Variants in KIAA1217 observed in about 807,000 individuals in gnomAD.
KIAA1217 encodes the protein sickle tail protein homolog.
Under a neutral mutation model 163.9 loss-of-function variants are expected in KIAA1217, and 88 were observed. That is an observed-to-expected ratio of 0.54 (90% CI 0.45 to 0.64). KIAA1217 has a LOEUF of 0.64. Among genes scored for constraint, KIAA1217 ranks in the 30% least tolerant of loss-of-function variants. The probability of loss-of-function intolerance (pLI) is 0.00; values close to 1 mark genes in which losing one functional copy is unlikely to be tolerated. For missense variants in KIAA1217, 2,372 were observed against 2,475.0 expected (o/e 0.96, Z 0.88); for synonymous variants, 903 against 923.1 (o/e 0.98, Z 0.39).
chr10:23,829,123 C>T (rs1359318824), intron 1 of KIAA1217, among the ~76,000 whole-genome samples: 1 of 152,164 alleles, frequency 6.6e-6, no homozygotes, highest in African/African-American at 2.4e-5. Context: ...GCAGGAATCA[C>T]AGCTAAGGTT....
intron 1 of KIAA1217, among the ~76,000 whole-genome samples, chr10:23,782,417 G>A (rs1835298677): frequency 6.6e-6 from 1 of 152,090 alleles, no homozygotes; most frequent in African/African-American, 2.4e-5. Flanking sequence ...ATTTTGCATG[G>A]TGCAACTTTA....
chr10:23,854,251 C>G (rs1338889406), intron 1 of KIAA1217, among the ~76,000 whole-genome samples: 1 of 152,100 alleles, frequency 6.6e-6, no homozygotes, highest in Non-Finnish European at 1.5e-5. Context: ...ATCTATATGT[C>G]TGCCTTCATA....
At chr10:23,958,384 T>C (rs528533871) in intron 1 of KIAA1217, among the ~76,000 whole-genome samples, 1 of 152,186 alleles carries the variant, frequency 6.6e-6, no homozygotes, top group African/African-American at 2.4e-5. Flanking sequence ...CAGGCTTCAA[T>C]GTCCTTGTGA....
chr10:24,472,594 C>G (rs2063642668), intron 5 of KIAA1217, among the ~76,000 whole-genome samples: 1 of 152,204 alleles, frequency 6.6e-6, no homozygotes, highest in Non-Finnish European at 1.5e-5. Context: ...GAAGCTGTGA[C>G]ATTAAAATTT....
chr10:24,427,976 G>A (rs975484085), intron 3 of KIAA1217, among the ~76,000 whole-genome samples: 1 of 152,194 alleles, frequency 6.6e-6, no homozygotes, highest in Non-Finnish European at 1.5e-5. Context: ...GGCTTGTCAC[G>A]TTCTGTGACT....
chr10:24,070,863 A>G (rs1365265293), intron 2 of KIAA1217, among the ~76,000 whole-genome samples: 2 of 152,186 alleles, frequency 1.3e-5, no homozygotes, highest in Non-Finnish European at 2.9e-5. Context: ...TCATTGTTTT[A>G]TATTCAGAAC....
intron 2 of KIAA1217, among the ~76,000 whole-genome samples, chr10:24,361,488 C>T (rs1032219749): frequency 4.6e-5 from 7 of 152,120 alleles, no homozygotes; most frequent in Non-Finnish European, 1.0e-4. Flanking sequence ...GTGCCCAGCC[C>T]ATTGTTTTCT....
chr10:23,722,881 T>C (rs1837943676), intron 1 of KIAA1217, among the ~76,000 whole-genome samples: 1 of 152,106 alleles, frequency 6.6e-6, no homozygotes. Context: ...TCCTAAGGAG[T>C]AGGCTTCAGG....
At chr10:24,402,441 G>A (rs1434560552) in intron 3 of KIAA1217, among the ~76,000 whole-genome samples, 2 of 150,752 alleles carry the variant, frequency 1.3e-5, no homozygotes, top group Non-Finnish European at 2.9e-5. Flanking sequence ...CCCGGGAGGC[G>A]GAGCTTGCAG....
At chr10:24,500,922 A>C (rs758316334) in intron 8 of KIAA1217, among the ~76,000 whole-genome samples, 2 of 152,188 alleles carry the variant, frequency 1.3e-5, no homozygotes, top group African/African-American at 2.4e-5. Flanking sequence ...GTTCTCAAAA[A>C]TAAAAAATAG....
intron 2 of KIAA1217, among the ~76,000 whole-genome samples, chr10:24,338,145 G>T (rs1372140963): frequency 6.6e-6 from 1 of 152,152 alleles, no homozygotes; most frequent in African/African-American, 2.4e-5. Context: ...GTCACCAGAA[G>T]TTCTGAGTAG....
chr10:24,181,950 T>A (rs1299041717), intron 2 of KIAA1217, among the ~76,000 whole-genome samples: 1 of 152,096 alleles, frequency 6.6e-6, no homozygotes, highest in African/African-American at 2.4e-5. Context: ...TTTTTCATAT[T>A]TCCCATGGAA....
rs1365027470 is a variant in KIAA1217 at position 24,047,636 on chromosome 10, T to A, written c.-171+40262T>A. 3.9e-5 allele frequency among the ~76,000 whole-genome samples: 6 copies of A among 152,352 alleles called. No individual in the cohort carries two copies. In the East Asian group the frequency reaches 1.2e-3, roughly 29 times the overall value. ...AACTCTATTATCAGCCCCTGGTTGATTGCTACCTTGCCTTATTCTTTATGT... is the reference window on the plus strand; with the variant it reads ...AACTCTATTATCAGCCCCTGGTTGAATGCTACCTTGCCTTATTCTTTATGT... On this transcript the variant is annotated intron_variant, in intron 2 of 18. Transcript: ENST00000376462.
chr10:24,004,915 C>A (rs1223989070), intron 1 of KIAA1217, among the ~76,000 whole-genome samples: 10 of 152,144 alleles, frequency 6.6e-5, no homozygotes, highest in Admixed American at 6.5e-4. Context: ...TGACCAGAAG[C>A]CTTGTTTGGT....
intron 2 of KIAA1217, among the ~76,000 whole-genome samples, chr10:24,069,934 G>C (rs1276384314): frequency 1.3e-5 from 2 of 151,978 alleles, no homozygotes; most frequent in Non-Finnish European, 2.9e-5. Context: ...TGAACTCCTG[G>C]GCTCAAGAAA....
rs190983784 is a variant in KIAA1217 at position 24,403,660 on chromosome 10, A to G, written c.553+22593A>G. 4.5e-3 allele frequency among the ~76,000 whole-genome samples: 690 copies of G among 152,332 alleles called. 9 individuals are homozygous for G. Among genetic ancestry groups the G allele is most frequent in the Non-Finnish European group, 8.0e-3 (541 of 68,030 alleles). On this transcript the variant is annotated intron_variant, in intron 3 of 20. Coordinates refer to ENST00000376454, the MANE Select transcript of KIAA1217 (RefSeq NM_019590.5). ...GAACTCTTAAAACTCAATAGTGAAA[A>G]ATCAAGCAATCCAATTAGAAATTGG...
At chr10:24,419,187 A>AAAG (rs1564645637) in intron 3 of KIAA1217, among the ~76,000 whole-genome samples, 1 of 151,694 alleles carries the variant, frequency 6.6e-6, no homozygotes, top group Non-Finnish European at 1.5e-5. Flanking sequence ...AAAAAAAAAA[A>AAAG]AAAGAAAGAA....
intron 1 of KIAA1217, among the ~76,000 whole-genome samples, chr10:23,793,871 T>C (rs1233440043): frequency 6.6e-6 from 1 of 152,224 alleles, no homozygotes; most frequent in South Asian, 2.1e-4. Context: ...GCAAAGGAGA[T>C]AATTTCATTT....
At chr10:23,939,133 A>T (rs1475790730) in intron 1 of KIAA1217, among the ~76,000 whole-genome samples, 6 of 152,192 alleles carry the variant, frequency 3.9e-5, no homozygotes, top group South Asian at 2.1e-4. Flanking sequence ...GCCAACAAAC[A>T]CGTATAATGT....
Sources: gnomAD v4.1 joint callset for allele counts (sites outside exome capture counted in the v4.1 genomes callset) on GRCh38, gnomAD v4.1.1 for gene constraint, MANE v1.5 for transcripts, NCBI Gene and HGNC (gene_info 2026-07-23, HGNC 2026-07-21) for gene names.